EDN1: variants seen among roughly 807,000 people sequenced by gnomAD.
EDN1 encodes the protein endothelin 1, also known as endothelin-1.
Under a neutral mutation model 21.7 loss-of-function variants are expected in EDN1, and 11 were observed. The ratio of observed to expected loss-of-function variants is 0.51; its 90% confidence interval spans 0.32 to 0.84. EDN1 has a LOEUF of 0.84. EDN1 is among the 40% of genes least tolerant of loss of function. The pLI, the probability that EDN1 is intolerant of heterozygous loss-of-function variation, is 0.03. For missense variants in EDN1, 244 were observed against 262.3 expected (o/e 0.93, Z 0.48); for synonymous variants, 85 against 90.6 (o/e 0.94, Z 0.35).
the EDN1 span, among the ~76,000 whole-genome samples, chr6:12,241,491 A>G: frequency 2.6e-5 from 4 of 151,470 alleles, no homozygotes; most frequent in African/African-American, 9.7e-5. Context: ...GGTGGGAGAG[A>G]TGGCTCAAGG....
the EDN1 span, among the ~76,000 whole-genome samples, chr6:12,281,020 AT>A: frequency 6.6e-6 from 1 of 152,102 alleles, no homozygotes; most frequent in African/African-American, 2.4e-5. Flanking sequence ...TGCAAATTAC[AT>A]TTTCTCCACT....
chr6:12,296,700 A>G lies in EDN1; in HGVS notation c.*633A>G, dbSNP rs1351059392. On this transcript the variant is annotated 3_prime_UTR_variant, in exon 5 of 5. Coordinates refer to ENST00000379375, the MANE Select transcript of EDN1 (RefSeq NM_001955.5). ...CCCACATTTAATTATTGCCTCCCCA[A>G]ACTCTTCCCACCCCTGCTGCCCCTT... 1.3e-5 allele frequency: 2 copies of G among 153,188 alleles called. No homozygotes were observed. Among genetic ancestry groups the G allele is most frequent in the East Asian group, 3.8e-4 (2 of 5,202 alleles). The allele number at this position is 153,188 out of a possible 1,614,324, so 9.5% of individuals were successfully genotyped here. A position where few individuals can be genotyped will look rare whatever the true frequency, so the allele number is the denominator to read the frequency against.
At chr6:12,268,259 C>T in the EDN1 span, among the ~76,000 whole-genome samples, 1 of 152,140 alleles carries the variant, frequency 6.6e-6, no homozygotes, top group Non-Finnish European at 1.5e-5. Context: ...GACAGCGATT[C>T]CTCTGATGGA....
At chr6:12,282,736 T>C in the EDN1 span, among the ~76,000 whole-genome samples, 1 of 152,218 alleles carries the variant, frequency 6.6e-6, no homozygotes, top group Non-Finnish European at 1.5e-5. Context: ...TTTTTCTTTT[T>C]CCCACATTTC....
chr6:12,276,156 C>A, the EDN1 span, among the ~76,000 whole-genome samples: 1 of 85,054 alleles, frequency 1.2e-5, no homozygotes, highest in South Asian at 4.9e-4. Context: ...AGCAAGACTC[C>A]ATCTCAAAAA....
At chr6:12,237,026 C>T in the EDN1 span, among the ~76,000 whole-genome samples, 1 of 145,896 alleles carries the variant, frequency 6.9e-6, no homozygotes, top group African/African-American at 2.5e-5. Context: ...CACCCTGTGT[C>T]CAAGTGTTCT....
chr6:12,291,673 C>G (rs927600416), intron 1 of EDN1, among the ~76,000 whole-genome samples: 1 of 152,114 alleles, frequency 6.6e-6, no homozygotes, highest in African/African-American at 2.4e-5. Flanking sequence ...AATTCAAAAT[C>G]CCCCCAGCCT....
At chr6:12,241,514 G>A in the EDN1 span, among the ~76,000 whole-genome samples, 1 of 151,950 alleles carries the variant, frequency 6.6e-6, no homozygotes. Context: ...AGGAAAAGAG[G>A]GAGGTATTAG....
chr6:12,261,679 T>A, the EDN1 span, among the ~76,000 whole-genome samples: 1 of 152,178 alleles, frequency 6.6e-6, no homozygotes, highest in Non-Finnish European at 1.5e-5. Flanking sequence ...AGATGCACGT[T>A]GAGAATTATG....
the EDN1 span, among the ~76,000 whole-genome samples, chr6:12,258,277 C>A: frequency 7.2e-6 from 1 of 138,172 alleles, no homozygotes; most frequent in Admixed American, 7.5e-5. Context: ...CATAGTGAGA[C>A]CTCCATCTTT....
chr6:12,277,279 G>A, the EDN1 span, among the ~76,000 whole-genome samples: 13 of 152,204 alleles, frequency 8.5e-5, no homozygotes, highest in Non-Finnish European at 1.6e-4. Context: ...AGACACAAGC[G>A]TCAAGGATGT....
the EDN1 span, among the ~76,000 whole-genome samples, chr6:12,276,585 C>G: frequency 6.6e-6 from 1 of 152,114 alleles, no homozygotes; most frequent in Non-Finnish European, 1.5e-5. Context: ...GAGAGGCACC[C>G]TTATTTTGTC....
the EDN1 span, among the ~76,000 whole-genome samples, chr6:12,283,760 C>G: frequency 6.6e-6 from 1 of 152,204 alleles, no homozygotes; most frequent in Non-Finnish European, 1.5e-5. Flanking sequence ...TACTCTCTTT[C>G]TCATCATCAT....
At chr6:12,248,393 C>T in the EDN1 span, among the ~76,000 whole-genome samples, 5 of 152,142 alleles carry the variant, frequency 3.3e-5, no homozygotes, top group Non-Finnish European at 1.5e-5. Context: ...TTTATTATGG[C>T]AGGCCAAGCT....
chr6:12,248,608 A>G, the EDN1 span, among the ~76,000 whole-genome samples: 1 of 152,160 alleles, frequency 6.6e-6, no homozygotes, highest in Non-Finnish European at 1.5e-5. Context: ...CAAAGATTGC[A>G]ATGAGCAACT....
chr6:12,283,484 A>G, the EDN1 span, among the ~76,000 whole-genome samples: 7 of 152,324 alleles, frequency 4.6e-5, no homozygotes, highest in South Asian at 2.1e-4. Context: ...ATTTGAACTC[A>G]TACAATATTT....
At chr6:12,242,627 G>A in the EDN1 span, among the ~76,000 whole-genome samples, 1 of 152,196 alleles carries the variant, frequency 6.6e-6, no homozygotes, top group African/African-American at 2.4e-5. Context: ...TGAGGTGCTA[G>A]TTACACACTG....
At chr6:12,280,702 C>T in the EDN1 span, among the ~76,000 whole-genome samples, 7 of 152,138 alleles carry the variant, frequency 4.6e-5, no homozygotes, top group African/African-American at 1.7e-4. Flanking sequence ...GGAGACCAGC[C>T]TGGCCAACAT....
rs768604505 is a variant in EDN1 at position 12,296,080 on chromosome 6, G to A, written c.*13G>A. 2 of 1,611,890 alleles carry A rather than the reference G, an allele frequency of 1.2e-6. No individual in the cohort carries two copies. Among genetic ancestry groups the A allele is most frequent in the East Asian group, 2.2e-5 (1 of 44,846 alleles). ...AGCACATTGGTGACAGACCTTCGGG[G>A]CCTGTCTGAAGCCATAGCCTCCACG... is the stretch of plus-strand genomic sequence containing the variant. On this transcript the variant is annotated 3_prime_UTR_variant, in exon 5 of 5. Transcript: ENST00000379375.
Sources: gnomAD v4.1 joint callset for allele counts (sites outside exome capture counted in the v4.1 genomes callset) on GRCh38, gnomAD v4.1.1 for gene constraint, MANE v1.5 for transcripts, NCBI Gene and HGNC (gene_info 2026-07-23, HGNC 2026-07-21) for gene names.